Variants in GALNT13 observed in about 807,000 individuals in gnomAD.
GALNT13 encodes UDP-GalNAc:polypeptide N-acetylgalactosaminyltransferase 13.
GALNT13 carries 28 observed loss-of-function variants against 64.2 expected under a neutral mutation model. That is an observed-to-expected ratio of 0.44 (90% CI 0.32 to 0.60). GALNT13 has a LOEUF of 0.60. GALNT13 is among the 20% of genes least tolerant of loss of function. The probability of loss-of-function intolerance (pLI) is 0.05; values close to 1 mark genes in which losing one functional copy is unlikely to be tolerated. For missense variants in GALNT13, 577 were observed against 669.8 expected, an observed-to-expected ratio of 0.86 and a Z score of 1.53; for synonymous variants, 214 against 224.6, an observed-to-expected ratio of 0.95 and a Z score of 0.42.
At chr2:153,755,323 C>T in the GALNT13 span, among the ~76,000 whole-genome samples, 2 of 152,036 alleles carry the variant, frequency 1.3e-5, no homozygotes, top group Non-Finnish European at 2.9e-5. Flanking sequence ...TTTTGAGGAA[C>T]TCTATACAAT....
chr2:153,280,325 T>C, the GALNT13 span, among the ~76,000 whole-genome samples: 1 of 152,152 alleles, frequency 6.6e-6, no homozygotes. Context: ...AACTTTTTGG[T>C]CATTTATTCT....
intron 4 of GALNT13, among the ~76,000 whole-genome samples, chr2:154,161,930 G>A (rs920359404): frequency 2.0e-5 from 3 of 151,872 alleles, no homozygotes; most frequent in Non-Finnish European, 4.4e-5. Flanking sequence ...ACAGGTGCCC[G>A]CCACCACACC....
At chr2:154,348,999 G>T (rs1415681602) in intron 9 of GALNT13, among the ~76,000 whole-genome samples, 1 of 152,088 alleles carries the variant, frequency 6.6e-6, no homozygotes, top group Non-Finnish European at 1.5e-5. Flanking sequence ...ATTTGTTGCA[G>T]GTTCACTAAA....
the GALNT13 span, among the ~76,000 whole-genome samples, chr2:153,468,709 GAAAT>G: frequency 1.3e-5 from 2 of 151,860 alleles, no homozygotes; most frequent in Non-Finnish European, 2.9e-5. Context: ...AGAACATTTT[GAAAT>G]AAATCATTAT....
chr2:153,258,675 C>A, the GALNT13 span, among the ~76,000 whole-genome samples: 1 of 151,946 alleles, frequency 6.6e-6, no homozygotes, highest in Non-Finnish European at 1.5e-5. Context: ...TCATTTATTT[C>A]AAGACATTTT....
chr2:153,595,461 A>T, the GALNT13 span, among the ~76,000 whole-genome samples: 1 of 152,008 alleles, frequency 6.6e-6, no homozygotes, highest in African/African-American at 2.4e-5. Context: ...AAAAACTCAG[A>T]TATAAAATTA....
chr2:153,336,444 A>C, the GALNT13 span, among the ~76,000 whole-genome samples: 4 of 152,266 alleles, frequency 2.6e-5, no homozygotes, highest in East Asian at 7.8e-4. Context: ...TGGATGTGAG[A>C]CCTGGAGTTG....
chr2:154,356,127 TG>T (rs1486064891), intron 9 of GALNT13, among the ~76,000 whole-genome samples: 3 of 152,082 alleles, frequency 2.0e-5, no homozygotes, highest in Non-Finnish European at 2.9e-5. Context: ...TTCTCAGAAG[TG>T]GCTTAAAATC....
the GALNT13 span, among the ~76,000 whole-genome samples, chr2:153,462,541 G>A: frequency 1.3e-5 from 2 of 152,116 alleles, no homozygotes; most frequent in African/African-American, 2.4e-5. Flanking sequence ...CTTGAAGATT[G>A]ATGCAGCCTT....
the GALNT13 span, among the ~76,000 whole-genome samples, chr2:153,611,096 T>G: frequency 1.3e-3 from 195 of 152,310 alleles, 1 homozygote; most frequent in Non-Finnish European, 2.5e-3. Context: ...CTTAAATGGC[T>G]TTGAGACAAC....
At chr2:154,409,118 A>AG (rs771787915) in intron 11 of GALNT13, 36 bp downstream of exon 11, 3 of 1,257,136 alleles carry the variant, frequency 2.4e-6, no homozygotes, top group Non-Finnish European at 3.5e-6. Context: ...CATGTTTTAG[A>AG]GGGAAAATAT....
At chr2:154,377,662 C>T (rs961720304) in intron 9 of GALNT13, among the ~76,000 whole-genome samples, 3 of 151,998 alleles carry the variant, frequency 2.0e-5, no homozygotes, top group African/African-American at 4.8e-5. Context: ...AATAATAGTT[C>T]ATTCATTCAT....
the GALNT13 span, among the ~76,000 whole-genome samples, chr2:153,559,084 T>C: frequency 6.6e-6 from 1 of 152,202 alleles, no homozygotes; most frequent in African/African-American, 2.4e-5. Flanking sequence ...ATTCTAAAGA[T>C]TATGTTATTT....
At chr2:153,477,750 G>A in the GALNT13 span, 2 of 157,810 alleles carry the variant, frequency 1.3e-5, no homozygotes, top group East Asian at 1.9e-4. Context: ...CCAGGGCAGG[G>A]GGGGAGCAGG....
rs191868030 is a variant in GALNT13, at chr2:154,408,239, T to C, written c.1297-745T>C. On this transcript the variant is annotated intron_variant, in intron 10 of 12. Coordinates refer to ENST00000392825, the MANE Select transcript of GALNT13 (RefSeq NM_052917.4). ...TATCTTTAAAGTCAATTATTGGTTT[T>C]GTAATTACATTTGGCACAAATATGT... 2.4e-4 allele frequency among the ~76,000 whole-genome samples: 37 copies of C among 152,234 alleles called. No individual in the cohort carries two copies. In the East Asian group the frequency reaches 7.0e-3, roughly 29 times the overall value.
chr2:153,417,695 C>T, the GALNT13 span, among the ~76,000 whole-genome samples: 35 of 151,992 alleles, frequency 2.3e-4, no homozygotes, highest in East Asian at 7.7e-4. Flanking sequence ...ATAAGCTTTT[C>T]GGATACAAGA....
chr2:153,710,389 T>G, the GALNT13 span, among the ~76,000 whole-genome samples: 1 of 151,870 alleles, frequency 6.6e-6, no homozygotes, highest in Admixed American at 6.6e-5. Context: ...ACTCAGAAAA[T>G]GAGAGTGAAA....
the GALNT13 span, among the ~76,000 whole-genome samples, chr2:153,557,997 A>G: frequency 6.6e-6 from 1 of 152,120 alleles, no homozygotes; most frequent in African/African-American, 2.4e-5. Context: ...TAGAGAAAGG[A>G]TTCCTTTGAT....
intron 1 of GALNT13, among the ~76,000 whole-genome samples, chr2:153,896,765 TC>T (rs1687921260): frequency 6.6e-6 from 1 of 152,146 alleles, no homozygotes; most frequent in Non-Finnish European, 1.5e-5. Flanking sequence ...GGACCCAGTG[TC>T]TGTTGTTCTC....
Sources: gnomAD v4.1 joint callset for allele counts (sites outside exome capture counted in the v4.1 genomes callset) on GRCh38, gnomAD v4.1.1 for gene constraint, MANE v1.5 for transcripts, NCBI Gene and HGNC (gene_info 2026-07-23, HGNC 2026-07-21) for gene names.